Variants in PPP1R14C observed in about 807,000 individuals in gnomAD.
The protein encoded by PPP1R14C is protein phosphatase 1 regulatory subunit 14C.
In PPP1R14C, 16 loss-of-function variants were observed where a neutral mutation model predicts 20.4. That is an observed-to-expected ratio of 0.78 (90% confidence interval 0.53 to 1.19). The LOEUF (loss-of-function observed/expected upper bound fraction) is 1.19. PPP1R14C is among the 50% of genes most tolerant of loss of function. The probability of loss-of-function intolerance (pLI) is 0.00; values close to 1 mark genes in which losing one functional copy is unlikely to be tolerated. For synonymous variants in PPP1R14C, 91 were observed against 91.0 expected (o/e 1.00, Z 0.00); for missense variants, 211 against 220.1 (o/e 0.96, Z 0.26).
intron 1 of PPP1R14C, among the ~76,000 whole-genome samples, chr6:150,211,498 G>T (rs1778024234): frequency 6.6e-6 from 1 of 152,196 alleles, no homozygotes; most frequent in South Asian, 2.1e-4. Flanking sequence ...TAAGCTCTGG[G>T]ACGTCATGGT....
Position 150,156,049 on chromosome 6 carries a change from A to AAAAG in PPP1R14C, c.306+12563_306+12566dup, listed in dbSNP as rs1372007665. Among the ~76,000 whole-genome samples, 9 of 149,640 alleles carry AAAAG rather than the reference A, an allele frequency of 6.0e-5. No homozygotes were observed. In the South Asian group the frequency reaches 8.4e-4, roughly 14 times the overall value. On this transcript the variant is annotated intron_variant, in intron 1 of 3. Transcript: ENST00000361131. ...CAAAAAAAAAAAAAAAAAAAAAAAA[A>AAAAG]AAAGAAAGAAAGAAAAAGAAAAATT... is the stretch of plus-strand genomic sequence containing the variant.
chr6:150,193,382 A>G (rs1054967753), intron 1 of PPP1R14C, among the ~76,000 whole-genome samples: 1 of 152,078 alleles, frequency 6.6e-6, no homozygotes, highest in Admixed American at 6.6e-5. Flanking sequence ...ACTCAGAAAG[A>G]CAGGAAAACA....
chr6:150,204,562 C>T (rs1777920094), intron 1 of PPP1R14C, among the ~76,000 whole-genome samples: 1 of 152,194 alleles, frequency 6.6e-6, no homozygotes, highest in Non-Finnish European at 1.5e-5. Flanking sequence ...CCACTGAGGT[C>T]CTGTCACCAT....
At chr6:150,237,214 T>G (rs975281962) in intron 3 of PPP1R14C, among the ~76,000 whole-genome samples, 2 of 152,102 alleles carry the variant, frequency 1.3e-5, no homozygotes, top group East Asian at 1.9e-4. Context: ...TCTTTTTTTT[T>G]GTTGTTTGAA....
intron 1 of PPP1R14C, among the ~76,000 whole-genome samples, chr6:150,150,816 C>G (rs1055580478): frequency 6.6e-6 from 1 of 152,154 alleles, no homozygotes; most frequent in African/African-American, 2.4e-5. Flanking sequence ...CTGGCCCATT[C>G]ATTTCAGCAT....
At chr6:150,191,756 G>T (rs1582910993) in intron 1 of PPP1R14C, among the ~76,000 whole-genome samples, 1 of 152,216 alleles carries the variant, frequency 6.6e-6, no homozygotes, top group Non-Finnish European at 1.5e-5. Context: ...ATCTCAGAGA[G>T]TATAGGGGAA....
At chr6:150,174,218 A>G (rs927860108) in intron 1 of PPP1R14C, among the ~76,000 whole-genome samples, 2 of 152,160 alleles carry the variant, frequency 1.3e-5, no homozygotes, top group African/African-American at 4.8e-5. Flanking sequence ...CTTGGTATTT[A>G]TAAATCAATT....
At chr6:150,178,989 G>C (rs1035622442) in intron 1 of PPP1R14C, among the ~76,000 whole-genome samples, 1 of 152,180 alleles carries the variant, frequency 6.6e-6, no homozygotes, top group Non-Finnish European at 1.5e-5. Context: ...CTGTCACTAC[G>C]AATATGGAAG....
At position 150,249,110 on chromosome 6, in the gene PPP1R14C, C is replaced by A. The variant is rs539904515; in HGVS notation, c.*290C>A. On this transcript the variant is annotated 3_prime_UTR_variant, in exon 4 of 4. Coordinates refer to ENST00000361131, the MANE Select transcript of PPP1R14C (RefSeq NM_030949.3). ...GAGGTGGACACTCAAGGAAGGGCCACGCCAGGCTGCGTTTCCTGCAAGGAC... is the reference window on the plus strand; with the variant it reads ...GAGGTGGACACTCAAGGAAGGGCCAAGCCAGGCTGCGTTTCCTGCAAGGAC... The A allele has an allele frequency of 4.1e-5, 17 of 411,256 alleles. No homozygotes were observed. The highest frequency in any genetic ancestry group is 6.1e-4 in the Middle Eastern group (1 of 1,646). The allele number at this position is 411,256 out of a possible 1,614,324, so 25.5% of individuals were successfully genotyped here. A position where few individuals can be genotyped will look rare whatever the true frequency, so the allele number is the denominator to read the frequency against.
intron 1 of PPP1R14C, among the ~76,000 whole-genome samples, chr6:150,148,103 T>A (rs926018738): frequency 2.6e-5 from 4 of 152,238 alleles, no homozygotes; most frequent in African/African-American, 9.6e-5. Context: ...CTAAATTTGT[T>A]TCATAATGCA....
intron 3 of PPP1R14C, among the ~76,000 whole-genome samples, chr6:150,219,675 T>C (rs939202724): frequency 2.0e-5 from 3 of 152,216 alleles, no homozygotes; most frequent in African/African-American, 7.2e-5. Context: ...TACAACAATC[T>C]GGAGAAGTTT....
At chr6:150,167,368 G>A (rs752916593) in intron 1 of PPP1R14C, among the ~76,000 whole-genome samples, 3 of 151,876 alleles carry the variant, frequency 2.0e-5, no homozygotes, top group East Asian at 1.9e-4. Context: ...ACTCCGTCTC[G>A]GGGGGGAAAA....
chr6:150,190,797 CCTT>C (rs1777732957), intron 1 of PPP1R14C, among the ~76,000 whole-genome samples: 1 of 152,154 alleles, frequency 6.6e-6, no homozygotes, highest in Admixed American at 6.5e-5. Context: ...CAGAGTCTGT[CCTT>C]CTCTACCTTG....
chr6:150,203,391 C>T (rs1382541420), intron 1 of PPP1R14C, among the ~76,000 whole-genome samples: 1 of 152,198 alleles, frequency 6.6e-6, no homozygotes, highest in Non-Finnish European at 1.5e-5. Context: ...GCTTGATGGC[C>T]CATATCAGCA....
chr6:150,149,299 A>ATGTGTGTGTGTGTG (rs141854673), intron 1 of PPP1R14C, among the ~76,000 whole-genome samples: 4 of 147,344 alleles, frequency 2.7e-5, no homozygotes, highest in African/African-American at 1.0e-4. Flanking sequence ...CTCCATACAT[A>ATGTGTGTGTGTGTG]TGTGTGTGTG....
intron 1 of PPP1R14C, among the ~76,000 whole-genome samples, chr6:150,148,505 C>T (rs9478507): frequency 0.094 from 14,291 of 152,220 alleles, 779 homozygotes; most frequent in Middle Eastern, 0.14. Flanking sequence ...CCACTGTTAG[C>T]GGGTTAGTTC....
At chr6:150,151,034 G>A (rs1777240716) in intron 1 of PPP1R14C, among the ~76,000 whole-genome samples, 1 of 151,408 alleles carries the variant, frequency 6.6e-6, no homozygotes, top group Non-Finnish European at 1.5e-5. Flanking sequence ...TTTTTTTGTT[G>A]TTTGTTTTGT....
chr6:150,193,691 A>T (rs968029226), intron 1 of PPP1R14C, among the ~76,000 whole-genome samples: 5 of 152,042 alleles, frequency 3.3e-5, no homozygotes, highest in Non-Finnish European at 5.9e-5. Context: ...CTGCTGGGTC[A>T]CTCAGATCTG....
In PPP1R14C at chr6:150,214,810, A is replaced by G. The variant is rs772393480; in HGVS notation, c.373A>G (p.Arg125Gly). The G allele has an allele frequency of 6.2e-7, 1 of 1,610,590 alleles. No individual in the cohort carries two copies. The highest frequency in any genetic ancestry group is 8.5e-7 in the Non-Finnish European group (1 of 1,178,454). The change falls in exon 2 of 4, where the codon AGA becomes GGA. Residue 125 changes from arginine to glycine, a missense_variant. Transcript: ENST00000361131. ...TCTTGATGCAGACAGTGATGAAGAG[A>G]GAGCTTCAAAATTACAGGTAAGCAG... ...DLLDADSDEE[R>G]ASKLQEALVD... is the part of the protein sequence containing the mutation.
Sources: gnomAD v4.1 joint callset for allele counts (sites outside exome capture counted in the v4.1 genomes callset) on GRCh38, gnomAD v4.1.1 for gene constraint, MANE v1.5 for transcripts, NCBI Gene and HGNC (gene_info 2026-07-23, HGNC 2026-07-21) for gene names.